Variants in AFF3 observed in about 807,000 individuals in gnomAD.
AFF3 encodes the protein ALF transcription elongation factor 3.
Under a neutral mutation model 129.7 loss-of-function variants are expected in AFF3, and 32 were observed. The ratio of observed to expected loss-of-function variants is 0.25; its 90% CI spans 0.19 to 0.33. The LOEUF (loss-of-function observed/expected upper bound fraction) is 0.33. Ranked by LOEUF, AFF3 falls within the 10% of genes least tolerant of loss-of-function variation. AFF3 has a pLI of 1.00. For missense variants in AFF3, 1,373 were observed against 1,592.0 expected (o/e 0.86, Z 2.34); for synonymous variants, 644 against 635.4 (o/e 1.01, Z -0.20).
intron 4 of AFF3, among the ~76,000 whole-genome samples, chr2:100,009,878 A>T (rs1282505222): frequency 6.6e-6 from 1 of 152,188 alleles, no homozygotes; most frequent in African/African-American, 2.4e-5. Flanking sequence ...AATCAAAAAG[A>T]GCTTACAGAT....
At chr2:99,800,011 G>T (rs1685818784) in intron 8 of AFF3, among the ~76,000 whole-genome samples, 1 of 151,850 alleles carries the variant, frequency 6.6e-6, no homozygotes, top group Non-Finnish European at 1.5e-5. Context: ...TGTGACTTTA[G>T]ATTATACCAA....
rs1171053953 is a variant in AFF3, at chr2:99,601,612, G to T, written c.1194C>A (p.Val398=). 2 of 1,594,680 alleles carry T rather than the reference G, an allele frequency of 1.3e-6. No homozygotes were observed. Among genetic ancestry groups the T allele is most frequent in the Admixed American group, 1.7e-5 (1 of 58,774 alleles). The change falls in exon 14 of 25, where the codon GTC becomes GTA. Residue 398 remains valine, a synonymous_variant. Transcript: ENST00000672756. The part of the protein sequence containing the change: ...ALRALSDSAV[V]QQPNCRTSVP... Reference sequence around the variant, plus strand: ...CCGAGGTTCTGCAGTTGGGCTGCTGGACCACGGCGCTGCCAGCCCGCGAGG... The same window carrying T: ...CCGAGGTTCTGCAGTTGGGCTGCTGTACCACGGCGCTGCCAGCCCGCGAGG...
intron 7 of AFF3, among the ~76,000 whole-genome samples, chr2:99,984,349 A>C (rs1448011281): frequency 2.0e-5 from 3 of 152,144 alleles, no homozygotes; most frequent in African/African-American, 4.8e-5. Context: ...TATAACAGTG[A>C]AAGAGATCAC....
At chr2:99,747,645 T>G (rs1226668496) in intron 9 of AFF3, among the ~76,000 whole-genome samples, 1 of 152,166 alleles carries the variant, frequency 6.6e-6, no homozygotes, top group Non-Finnish European at 1.5e-5. Context: ...CTAAAACACC[T>G]GTGTGATTAA....
chr2:99,800,803 A>G (rs1203239529), intron 8 of AFF3, among the ~76,000 whole-genome samples: 2 of 152,212 alleles, frequency 1.3e-5, no homozygotes, highest in African/African-American at 4.8e-5. Flanking sequence ...ATAATTACAC[A>G]GAGTGACAGA....
intron 16 of AFF3, among the ~76,000 whole-genome samples, chr2:99,583,299 T>G (rs971358091): frequency 6.6e-6 from 1 of 152,196 alleles, no homozygotes; most frequent in African/African-American, 2.4e-5. Flanking sequence ...GATCTCAAAA[T>G]ACCCAACAAA....
chr2:100,027,358 C>A (rs973470070), intron 4 of AFF3, among the ~76,000 whole-genome samples: 11 of 152,212 alleles, frequency 7.2e-5, no homozygotes, highest in Admixed American at 5.2e-4. Context: ...TCTTCTGACA[C>A]CAGGCCTGGG....
chr2:99,596,344 G>A (rs1015301587), intron 14 of AFF3, among the ~76,000 whole-genome samples: 1 of 152,180 alleles, frequency 6.6e-6, no homozygotes, highest in Non-Finnish European at 1.5e-5. Context: ...ACAGCTTCTC[G>A]GCCAAGGGGG....
chr2:99,910,049 T>G (rs966772755), intron 7 of AFF3, among the ~76,000 whole-genome samples: 2 of 152,226 alleles, frequency 1.3e-5, no homozygotes, highest in African/African-American at 2.4e-5. Flanking sequence ...AACCTTCTTA[T>G]GTATAGCCGC....
At chr2:99,611,901 T>TAAA (rs1558645044) in intron 13 of AFF3, among the ~76,000 whole-genome samples, 120 of 120,108 alleles carry the variant, frequency 1.0e-3, no homozygotes, top group African/African-American at 3.2e-3. Flanking sequence ...AAAAAAAAAT[T>TAAA]TATTCTTGCT....
At chr2:100,034,122 T>C (rs921906600) in intron 4 of AFF3, among the ~76,000 whole-genome samples, 1 of 152,176 alleles carries the variant, frequency 6.6e-6, no homozygotes, top group African/African-American at 2.4e-5. Context: ...AACTGACATA[T>C]TAGCATTGAC....
At chr2:100,027,077 G>A (rs1684111728) in intron 4 of AFF3, among the ~76,000 whole-genome samples, 1 of 151,950 alleles carries the variant, frequency 6.6e-6, no homozygotes, top group African/African-American at 2.4e-5. Context: ...ATAACCTATG[G>A]AAAAATAAAA....
intron 13 of AFF3, among the ~76,000 whole-genome samples, chr2:99,648,397 T>C (rs374534566): frequency 1.4e-4 from 22 of 152,186 alleles, no homozygotes; most frequent in African/African-American, 3.9e-4. Context: ...GAAATGACTA[T>C]GTTATATTCT....
intron 7 of AFF3, among the ~76,000 whole-genome samples, chr2:99,867,007 T>TAAA (rs1576227007): frequency 2.3e-5 from 3 of 131,590 alleles, no homozygotes; most frequent in South Asian, 2.5e-4. Context: ...TAATAAAAAA[T>TAAA]AAATAAAATA....
intron 8 of AFF3, among the ~76,000 whole-genome samples, chr2:99,754,548 A>G (rs1681929157): frequency 6.6e-6 from 1 of 152,230 alleles, no homozygotes; most frequent in Non-Finnish European, 1.5e-5. Flanking sequence ...AAAAAGATAA[A>G]CTATTATTTC....
intron 13 of AFF3, among the ~76,000 whole-genome samples, chr2:99,618,303 T>G (rs1281593456): frequency 6.9e-6 from 1 of 145,286 alleles, no homozygotes; most frequent in Admixed American, 7.1e-5. Flanking sequence ...TGGCGCTATC[T>G]TGGCTCACTG....
chr2:99,901,859 CAGA>C (rs1266897949), intron 7 of AFF3, among the ~76,000 whole-genome samples: 2 of 152,050 alleles, frequency 1.3e-5, no homozygotes, highest in East Asian at 3.9e-4. Flanking sequence ...CCCCCCAGAG[CAGA>C]AGGCCAACTG....
intron 8 of AFF3, among the ~76,000 whole-genome samples, chr2:99,777,598 G>C (rs1684007291): frequency 6.6e-6 from 1 of 152,176 alleles, no homozygotes; most frequent in Non-Finnish European, 1.5e-5. Flanking sequence ...GCCCTGGTAA[G>C]CTTCTCCAAT....
rs192329593 is a variant in AFF3 at position 99,605,556 on chromosome 2, G to A, written c.1185-3935C>T. Among the ~76,000 whole-genome samples, 656 of 152,306 alleles carry A rather than the reference G, an allele frequency of 4.3e-3. 9 individuals carry two copies. Among genetic ancestry groups the A allele is most frequent in the African/African-American group, 0.015 (628 of 41,574 alleles). ...AGTGTAGTGACTGCTCCCACCACGG[G>A]TGCTTGCAGCTGCTTTACCCATCGT... is the stretch of plus-strand genomic sequence containing the variant. On this transcript the variant is annotated intron_variant, in intron 13 of 24. Transcript: ENST00000672756.
Sources: allele counts gnomAD v4.1 joint callset (sites outside exome capture counted in the v4.1 genomes callset), GRCh38; gene constraint gnomAD v4.1.1; transcripts MANE v1.5; gene names NCBI Gene and HGNC (gene_info 2026-07-23, HGNC 2026-07-21).